Variants in CDH18 observed in about 807,000 individuals in gnomAD.
The protein encoded by CDH18 is cadherin-18.
Under a neutral mutation model 67.9 loss-of-function variants are expected in CDH18, and 31 were observed. The observed-to-expected ratio is 0.46, with a 90% CI of 0.34 to 0.62. The LOEUF (loss-of-function observed/expected upper bound fraction) is 0.62. Ranked by LOEUF, CDH18 falls within the 20% of genes least tolerant of loss-of-function variation. The pLI is 0.01. For missense variants in CDH18, 890 were observed against 975.5 expected (o/e 0.91, Z 1.17); for synonymous variants, 362 against 347.2 (o/e 1.04, Z -0.48).
chr5:20,486,632 A>C (rs898466830), intron 1 of CDH18, among the ~76,000 whole-genome samples: 23 of 147,194 alleles, frequency 1.6e-4, no homozygotes, highest in African/African-American at 5.7e-4. Flanking sequence ...CATGAGGAAG[A>C]CTTCATTACA....
intron 3 of CDH18, among the ~76,000 whole-genome samples, chr5:19,770,768 TTG>T (rs1258330114): frequency 6.6e-6 from 1 of 152,234 alleles, no homozygotes; most frequent in Non-Finnish European, 1.5e-5. Flanking sequence ...ATGTACTCTT[TTG>T]TGTCTGCCAT....
chr5:19,687,099 G>T (rs1408928805), intron 5 of CDH18, among the ~76,000 whole-genome samples: 1 of 152,170 alleles, frequency 6.6e-6, no homozygotes, highest in African/African-American at 2.4e-5. Context: ...GCTGTGATCA[G>T]CTGGGAGCCT....
chr5:20,239,858 A>T (rs533882001), intron 2 of CDH18, among the ~76,000 whole-genome samples: 60 of 152,224 alleles, frequency 3.9e-4, no homozygotes, highest in African/African-American at 1.3e-3. Flanking sequence ...AGAAATTATT[A>T]TCTGGCTACA....
chr5:20,318,227 A>G (rs1173522121), intron 1 of CDH18, among the ~76,000 whole-genome samples: 2 of 152,142 alleles, frequency 1.3e-5, no homozygotes, highest in Non-Finnish European at 2.9e-5. Context: ...CAGGATCTTT[A>G]TTTTAGGTTT....
chr5:19,917,534 C>T (rs190328617), intron 2 of CDH18, among the ~76,000 whole-genome samples: 1 of 152,202 alleles, frequency 6.6e-6, no homozygotes, highest in Non-Finnish European at 1.5e-5. Context: ...ATGTTTGTGT[C>T]CCTGCTTAAT....
intron 5 of CDH18, among the ~76,000 whole-genome samples, chr5:19,719,410 T>C (rs1372426708): frequency 6.6e-6 from 1 of 152,028 alleles, no homozygotes; most frequent in Non-Finnish European, 1.5e-5. Flanking sequence ...GGGAGATGTG[T>C]ATTTTAAGGT....
At chr5:19,982,425 TA>T (rs57082066) in intron 1 of CDH18, among the ~76,000 whole-genome samples, 18,716 of 152,090 alleles carry the variant, frequency 0.12, 3,329 homozygotes, top group African/African-American at 0.39. Context: ...GAAAATTTTT[TA>T]AAAATTATAG....
chr5:19,489,985 T>G (rs1447334038), intron 11 of CDH18, among the ~76,000 whole-genome samples: 2 of 152,098 alleles, frequency 1.3e-5, no homozygotes, highest in Non-Finnish European at 2.9e-5. Flanking sequence ...AACAGCTGTT[T>G]TTTTAAAACA....
At chr5:20,487,458 T>C (rs1447723643) in intron 1 of CDH18, among the ~76,000 whole-genome samples, 1 of 150,284 alleles carries the variant, frequency 6.7e-6, no homozygotes, top group Non-Finnish European at 1.5e-5. Flanking sequence ...TCAATATATT[T>C]ACTGTATAGG....
chr5:19,874,511 T>C (rs1786713468), intron 2 of CDH18, among the ~76,000 whole-genome samples: 4 of 152,158 alleles, frequency 2.6e-5, no homozygotes, highest in Admixed American at 1.3e-4. Context: ...AACAGTGAAA[T>C]CTCCTTCTCG....
chr5:20,423,946 CAAAAAAAAA>C lies in CDH18; in HGVS notation c.-580+151507_-580+151515del, dbSNP rs553723574. Among the ~76,000 whole-genome samples, 32 of 63,818 alleles carry C rather than the reference CAAAAAAAAA, an allele frequency of 5.0e-4. 1 individual carries two copies. The highest frequency in any genetic ancestry group is 2.1e-3 in the East Asian group (5 of 2,342). 41.9% of individuals were successfully genotyped at this position (63,818 alleles called of 152,430 possible). A position where few individuals can be genotyped will look rare whatever the true frequency, so the allele number is the denominator to read the frequency against. On this transcript the variant is annotated intron_variant, in intron 1 of 14. Coordinates refer to the CDH18 transcript ENST00000507958. The stretch of plus-strand genomic sequence containing the variant: ...TGGGCGACTGAGCGAGACTCCGTCT[CAAAAAAAAA>C]AAAAAAAAAAAAAAAAATTGTCCTA...
chr5:19,943,015 C>A (rs896945921), intron 2 of CDH18, among the ~76,000 whole-genome samples: 1 of 152,090 alleles, frequency 6.6e-6, no homozygotes, highest in Non-Finnish European at 1.5e-5. Context: ...AGCATGATGC[C>A]TCTTTGAGCT....
At chr5:20,409,626 C>A (rs150257549) in intron 1 of CDH18, among the ~76,000 whole-genome samples, 1 of 150,942 alleles carries the variant, frequency 6.6e-6, no homozygotes, top group African/African-American at 2.4e-5. Flanking sequence ...GAACAAAGCC[C>A]AAAGTTAGCA....
chr5:19,639,074 C>T (rs1328900755), intron 5 of CDH18, among the ~76,000 whole-genome samples: 2 of 144,100 alleles, frequency 1.4e-5, no homozygotes, highest in African/African-American at 5.1e-5. Flanking sequence ...GCGATCTCGG[C>T]TCACTGCAAG....
chr5:20,342,703 C>T (rs1484344274), intron 1 of CDH18, among the ~76,000 whole-genome samples: 1 of 152,118 alleles, frequency 6.6e-6, no homozygotes, highest in African/African-American at 2.4e-5. Context: ...GATTTGGGCT[C>T]ACTGAGTAGG....
intron 1 of CDH18, among the ~76,000 whole-genome samples, chr5:20,498,822 GA>G (rs1754066431): frequency 6.6e-6 from 1 of 151,740 alleles, no homozygotes; most frequent in Non-Finnish European, 1.5e-5. Flanking sequence ...GCTACAATAA[GA>G]AAAAAATTAA....
chr5:19,606,342 A>T (rs1358520044), intron 6 of CDH18, among the ~76,000 whole-genome samples: 1 of 152,110 alleles, frequency 6.6e-6, no homozygotes, highest in Non-Finnish European at 1.5e-5. Flanking sequence ...GAAAAAATGT[A>T]AAAAATGACC....
At chr5:19,705,976 A>C (rs1763898375) in intron 5 of CDH18, among the ~76,000 whole-genome samples, 1 of 152,198 alleles carries the variant, frequency 6.6e-6, no homozygotes, top group South Asian at 2.1e-4. Flanking sequence ...AGATGGGTCT[A>C]GTAATGGTAA....
chr5:20,356,770 T>TAC (rs1554122702), intron 1 of CDH18, among the ~76,000 whole-genome samples: 1,827 of 148,760 alleles, frequency 0.012, 44 homozygotes, highest in African/African-American at 0.043. Flanking sequence ...TATATATATA[T>TAC]ACACATGCAC....
Sources: allele counts gnomAD v4.1 joint callset (sites outside exome capture counted in the v4.1 genomes callset), GRCh38; gene constraint gnomAD v4.1.1; transcripts MANE v1.5; gene names NCBI Gene and HGNC (gene_info 2026-07-23, HGNC 2026-07-21).